The following STT3B variants were observed in gnomAD, a reference collection of about 807,000 sequenced individuals.
STT3B encodes the protein STT3 oligosaccharyltransferase complex catalytic subunit B.
STT3B carries 29 observed loss-of-function variants against 96.8 expected under a neutral mutation model. The observed-to-expected ratio is 0.30, with a 90% CI of 0.22 to 0.41. The LOEUF (loss-of-function observed/expected upper bound fraction) is 0.41, where lower values mean the gene tolerates loss of function less well. Ranked by LOEUF, STT3B falls within the 10% of genes least tolerant of loss-of-function variation. STT3B has a pLI of 1.00. For missense variants in STT3B, 640 were observed against 1,022.3 expected (o/e 0.63, Z 5.10); for synonymous variants, 367 against 360.0 (o/e 1.02, Z -0.22).
intron 1 of STT3B, among the ~76,000 whole-genome samples, chr3:31,550,632 A>G (rs1180800609): frequency 6.6e-6 from 1 of 152,210 alleles, no homozygotes; most frequent in African/African-American, 2.4e-5. Context: ...TTAAACACTG[A>G]TAGGAATTTA....
intron 5 of STT3B, among the ~76,000 whole-genome samples, chr3:31,601,899 T>C (rs1238498985): frequency 1.3e-5 from 2 of 152,168 alleles, no homozygotes; most frequent in Admixed American, 1.3e-4. Context: ...AGAGGAGACA[T>C]AATAATTTGC....
chr3:31,600,437 A>T lies in STT3B; in HGVS notation c.855A>T (p.Arg285Ser). ...LHVFVLLLMQ[R>S]YSKRVYIAYS... Reference sequence around the variant, plus strand: ...TATTTGTGTTGTTACTGATGCAGAGATACAGCAAAAGAGTCTACATAGGTA... The same window carrying T: ...TATTTGTGTTGTTACTGATGCAGAGTTACAGCAAAAGAGTCTACATAGGTA... The change falls in exon 5 of 16, where the codon AGA becomes AGT. Residue 285 changes from arginine to serine, a missense_variant. Coordinates refer to ENST00000295770, the MANE Select transcript of STT3B (RefSeq NM_178862.3). 1 of 1,577,274 alleles carries T rather than the reference A, an allele frequency of 6.3e-7. No individual in the cohort carries two copies. The highest frequency in any genetic ancestry group is 8.7e-7 in the Non-Finnish European group (1 of 1,150,566).
At chr3:31,614,844 T>A (rs1422430872) in intron 5 of STT3B, among the ~76,000 whole-genome samples, 1 of 151,922 alleles carries the variant, frequency 6.6e-6, no homozygotes, top group South Asian at 2.1e-4. Context: ...ATTCCATTTC[T>A]GGGAAAGGAA....
In STT3B at chr3:31,559,146, GGTGTGTGTGT is replaced by G. The variant is rs55707310; in HGVS notation, c.315-17215_315-17206del. ...TTGTTTTTGTTTCATTGATTCTTGG[GGTGTGTGTGT>G]GTGTGTGTGTGTGTGTGTGTGTGTG... On this transcript the variant is annotated intron_variant, in intron 1 of 15. Coordinates refer to ENST00000295770, the MANE Select transcript of STT3B (RefSeq NM_178862.3). Among the ~76,000 whole-genome samples, 348 of 116,520 alleles carry G rather than the reference GGTGTGTGTGT, an allele frequency of 3.0e-3. 1 individual carries two copies. The highest frequency in any genetic ancestry group is 8.9e-3 in the South Asian group (29 of 3,272). 76.4% of individuals were successfully genotyped at this position (116,520 alleles called of 152,430 possible).
At chr3:31,553,224 T>C (rs1358713033) in intron 1 of STT3B, among the ~76,000 whole-genome samples, 1 of 152,176 alleles carries the variant, frequency 6.6e-6, no homozygotes, top group Non-Finnish European at 1.5e-5. Flanking sequence ...TAAATACGTG[T>C]CTACTATATA....
intron 1 of STT3B, among the ~76,000 whole-genome samples, chr3:31,541,661 C>T (rs939553584): frequency 1.2e-4 from 19 of 152,008 alleles, no homozygotes; most frequent in African/African-American, 4.6e-4. Flanking sequence ...ACTGCAAGCT[C>T]CACCTCTTGG....
intron 5 of STT3B, among the ~76,000 whole-genome samples, chr3:31,606,845 G>C (rs1199323033): frequency 6.6e-6 from 1 of 152,176 alleles, no homozygotes; most frequent in Non-Finnish European, 1.5e-5. Flanking sequence ...AAAAGCTGCA[G>C]ACACTCAATG....
chr3:31,630,654 T>C (rs1039543513), intron 14 of STT3B, among the ~76,000 whole-genome samples: 5 of 152,190 alleles, frequency 3.3e-5, no homozygotes, highest in African/African-American at 1.2e-4. Flanking sequence ...TATTGCTCTC[T>C]GGTTAAGTTG....
At chr3:31,552,316 A>G (rs1374015633) in intron 1 of STT3B, among the ~76,000 whole-genome samples, 1 of 152,204 alleles carries the variant, frequency 6.6e-6, no homozygotes, top group Admixed American at 6.5e-5. Context: ...GCCAGGGACT[A>G]TGGCTACAGT....
Position 31,552,063 on chromosome 3 carries a change from A to C in STT3B, c.314+18751A>C, listed in dbSNP as rs1046531562. On this transcript the variant is annotated intron_variant, in intron 1 of 15. Transcript: ENST00000295770. The stretch of plus-strand genomic sequence containing the variant: ...CCAACCCTGGTGACATCCTGATGTC[A>C]ACCTTGTGCGACCCTAAACAGAAGA... Among the ~76,000 whole-genome samples the C allele has an allele frequency of 3.3e-5, 5 of 152,322 alleles. 1 individual carries two copies. Among genetic ancestry groups the C allele is most frequent in the East Asian group, 1.9e-4 (1 of 5,190 alleles).
At chr3:31,558,592 A>G (rs1697780384) in intron 1 of STT3B, among the ~76,000 whole-genome samples, 1 of 152,104 alleles carries the variant, frequency 6.6e-6, no homozygotes, top group African/African-American at 2.4e-5. Context: ...TTTGTTGAGA[A>G]ATTTTGCATC....
At chr3:31,628,988 C>T (rs1444818244) in intron 13 of STT3B, among the ~76,000 whole-genome samples, 3 of 152,082 alleles carry the variant, frequency 2.0e-5, no homozygotes, top group Admixed American at 6.5e-5. Context: ...GGCCTGTAGT[C>T]CCAGCTACTT....
intron 1 of STT3B, among the ~76,000 whole-genome samples, chr3:31,565,407 T>G (rs767288472): frequency 1.2e-4 from 18 of 152,198 alleles, no homozygotes; most frequent in Admixed American, 9.8e-4. Flanking sequence ...AAAATAAGCA[T>G]TTGTTGGTTG....
intron 1 of STT3B, among the ~76,000 whole-genome samples, chr3:31,542,518 C>T (rs1009917861): frequency 6.6e-6 from 1 of 151,736 alleles, no homozygotes; most frequent in African/African-American, 2.4e-5. Context: ...TCTTCAAACT[C>T]TGTTTAGTCA....
intron 1 of STT3B, among the ~76,000 whole-genome samples, chr3:31,552,595 A>G (rs80341810): frequency 0.044 from 6,657 of 152,068 alleles, 381 homozygotes; most frequent in East Asian, 0.32. Context: ...AAAACTACCT[A>G]TGTGTATTTT....
In STT3B at chr3:31,578,368, G is replaced by T. The variant is rs532742433; in HGVS notation, c.424-1441G>T. On this transcript the variant is annotated intron_variant, in intron 2 of 15. Coordinates refer to ENST00000295770, the MANE Select transcript of STT3B (RefSeq NM_178862.3). ...ACTTTGAATTTCCTCTTCATTTTTGGCATCTGGAGAATACCCTATCTTGAG... is the reference window on the plus strand; with the variant it reads ...ACTTTGAATTTCCTCTTCATTTTTGTCATCTGGAGAATACCCTATCTTGAG... Among the ~76,000 whole-genome samples, 6 of 152,018 alleles carry T rather than the reference G, an allele frequency of 3.9e-5. No individual in the cohort carries two copies. In the East Asian group the frequency reaches 1.2e-3, roughly 29 times the overall value.
intron 5 of STT3B, among the ~76,000 whole-genome samples, chr3:31,601,417 CTT>C (rs934189899): frequency 9.9e-5 from 15 of 152,262 alleles, no homozygotes; most frequent in African/African-American, 3.6e-4. Flanking sequence ...ACCTTGAAAA[CTT>C]TATACCATTA....
intron 5 of STT3B, among the ~76,000 whole-genome samples, chr3:31,614,260 A>G (rs550466130): frequency 6.6e-6 from 1 of 152,044 alleles, no homozygotes; most frequent in South Asian, 2.1e-4. Flanking sequence ...AATCTGTATA[A>G]ATGGGGTAGT....
intron 5 of STT3B, among the ~76,000 whole-genome samples, chr3:31,609,077 T>G (rs1010859333): frequency 1.3e-5 from 2 of 152,120 alleles, no homozygotes; most frequent in African/African-American, 4.8e-5. Flanking sequence ...ATCATGCCAC[T>G]GCACTCCAGC....
Sources: allele counts gnomAD v4.1 joint callset (sites outside exome capture counted in the v4.1 genomes callset), GRCh38; gene constraint gnomAD v4.1.1; transcripts MANE v1.5; gene names NCBI Gene and HGNC (gene_info 2026-07-23, HGNC 2026-07-21).